The following TENM2 variants were observed in gnomAD, a reference collection of about 807,000 sequenced individuals.
TENM2 encodes teneurin transmembrane protein 2, also known as teneurin-2.
Under a neutral mutation model 245.2 loss-of-function variants are expected in TENM2, and 52 were observed. That is an observed-to-expected ratio of 0.21 (90% CI 0.17 to 0.27). The LOEUF (loss-of-function observed/expected upper bound fraction) is 0.27, where lower values mean the gene tolerates loss of function less well. Among genes scored for constraint, TENM2 ranks in the 10% least tolerant of loss-of-function variants. The pLI, the probability that TENM2 is intolerant of heterozygous loss-of-function variation, is 1.00. For synonymous variants in TENM2, 1,363 were observed against 1,438.9 expected, an observed-to-expected ratio of 0.95 and a Z score of 1.19; for missense variants, 3,046 against 3,666.8, an observed-to-expected ratio of 0.83 and a Z score of 4.37.
chr5:167,244,025 CCTT>C, the TENM2 span, among the ~76,000 whole-genome samples: 7 of 152,092 alleles, frequency 4.6e-5, no homozygotes, highest in South Asian at 2.1e-4. Context: ...CCTGGGAAAT[CCTT>C]CTTCTTCCTT....
At chr5:167,731,073 G>A (rs1339772045) in intron 2 of TENM2, among the ~76,000 whole-genome samples, 4 of 152,000 alleles carry the variant, frequency 2.6e-5, no homozygotes, top group African/African-American at 9.7e-5. Context: ...TAGTTTCCAT[G>A]AACAAGGCAA....
At position 167,444,254 on chromosome 5, in the gene TENM2, CAA is replaced by C. The variant is rs1765026932; in HGVS notation, c.502+68783_502+68784del. Among the ~76,000 whole-genome samples, 5 of 150,618 alleles carry C rather than the reference CAA, an allele frequency of 3.3e-5. No individual in the cohort carries two copies. The South Asian group carries it at 8.4e-4, about 25-fold the overall frequency. ...CTTCCAATATCCAGTAGATATGTCT[CAA>C]AGTCATACACATTTGCTTATGCACA... On this transcript the variant is annotated intron_variant, in intron 2 of 28. Coordinates refer to ENST00000518659, the Ensembl canonical transcript of TENM2.
Position 168,039,267 on chromosome 5 carries a change from G to A in TENM2, c.1187-8160G>A, listed in dbSNP as rs1787974251. Among the ~76,000 whole-genome samples, 4 of 152,114 alleles carry A rather than the reference G, an allele frequency of 2.6e-5. No individual in the cohort carries two copies. In the South Asian group the frequency reaches 8.3e-4, roughly 32 times the overall value. ...GCGTCTTCTTTCCTTTGTAGTCAGTGGTCTCACCGATCTGCCCCTCTTTAA... is the reference window on the plus strand; with the variant it reads ...GCGTCTTCTTTCCTTTGTAGTCAGTAGTCTCACCGATCTGCCCCTCTTTAA... On this transcript the variant is annotated intron_variant, in intron 5 of 28. Transcript: ENST00000518659.
intron 2 of TENM2, among the ~76,000 whole-genome samples, chr5:167,737,932 C>G (rs1347054063): frequency 6.6e-6 from 1 of 152,222 alleles, no homozygotes; most frequent in Non-Finnish European, 1.5e-5. Flanking sequence ...CTATAGGGCA[C>G]TGAGCTGATC....
intron 7 of TENM2, among the ~76,000 whole-genome samples, chr5:168,089,367 C>G (rs890127755): frequency 3.3e-5 from 5 of 152,154 alleles, no homozygotes; most frequent in Non-Finnish European, 7.3e-5. Context: ...CAAACTAATT[C>G]CTTAAAACAT....
chr5:167,459,135 C>A (rs566941526), intron 2 of TENM2, among the ~76,000 whole-genome samples: 1 of 152,292 alleles, frequency 6.6e-6, no homozygotes, highest in African/African-American at 2.4e-5. Context: ...ACCCATCGAA[C>A]AATAACTGCC....
chr5:167,556,228 G>A (rs770311463), intron 2 of TENM2, among the ~76,000 whole-genome samples: 4 of 151,988 alleles, frequency 2.6e-5, no homozygotes, highest in Non-Finnish European at 5.9e-5. Flanking sequence ...TTCTATTTCA[G>A]ACTGGAAGAA....
intron 2 of TENM2, among the ~76,000 whole-genome samples, chr5:167,596,522 G>A (rs925324558): frequency 1.3e-5 from 2 of 152,164 alleles, no homozygotes; most frequent in South Asian, 2.1e-4. Context: ...GGCCGGGCGC[G>A]GTGGCTCACG....
chr5:167,570,626 C>T (rs1318288317), intron 2 of TENM2, among the ~76,000 whole-genome samples: 1 of 152,126 alleles, frequency 6.6e-6, no homozygotes, highest in Non-Finnish European at 1.5e-5. Context: ...TGGTGCAGTC[C>T]TTGCCAGAAC....
chr5:168,039,945 C>G (rs1053985060), intron 5 of TENM2, among the ~76,000 whole-genome samples: 1 of 152,166 alleles, frequency 6.6e-6, no homozygotes, highest in Non-Finnish European at 1.5e-5. Flanking sequence ...CTGAAGCTGA[C>G]AGGAGCCCCA....
intron 1 of TENM2, among the ~76,000 whole-genome samples, chr5:167,334,163 C>T (rs1309021396): frequency 1.3e-5 from 2 of 151,986 alleles, no homozygotes; most frequent in South Asian, 2.1e-4. Flanking sequence ...CCAATTTTGA[C>T]AATGGGAAAA....
intron 2 of TENM2, among the ~76,000 whole-genome samples, chr5:167,456,294 A>G (rs1765917828): frequency 6.6e-6 from 1 of 152,130 alleles, no homozygotes; most frequent in Non-Finnish European, 1.5e-5. Flanking sequence ...AATATTTTAC[A>G]TTACTTAATT....
At chr5:167,668,783 C>T (rs1393635637) in intron 2 of TENM2, among the ~76,000 whole-genome samples, 4 of 152,006 alleles carry the variant, frequency 2.6e-5, no homozygotes, top group Non-Finnish European at 5.9e-5. Context: ...GGTGAAACCT[C>T]ATCTCTATAA....
intron 2 of TENM2, among the ~76,000 whole-genome samples, chr5:167,530,551 C>T (rs1218937921): frequency 2.6e-5 from 4 of 152,134 alleles, no homozygotes; most frequent in African/African-American, 4.8e-5. Flanking sequence ...GCAGAAAGCC[C>T]TGGTTTAAGT....
At chr5:167,522,338 T>C (rs919864289) in intron 2 of TENM2, among the ~76,000 whole-genome samples, 2 of 152,156 alleles carry the variant, frequency 1.3e-5, no homozygotes, top group African/African-American at 4.8e-5. Context: ...CAGTCAGCCT[T>C]ATTTCAATCA....
chr5:168,085,974 A>G (rs1792419524), intron 7 of TENM2, among the ~76,000 whole-genome samples: 2 of 152,228 alleles, frequency 1.3e-5, no homozygotes, highest in African/African-American at 2.4e-5. Flanking sequence ...AAATGTCAGC[A>G]TTTATTGCTT....
At chr5:167,315,585 A>C (rs1276760077) in intron 1 of TENM2, among the ~76,000 whole-genome samples, 1 of 152,218 alleles carries the variant, frequency 6.6e-6, no homozygotes. Context: ...GAAAGTGTTT[A>C]GAAACATGTT....
the TENM2 span, among the ~76,000 whole-genome samples, chr5:167,182,005 T>A: frequency 6.6e-6 from 1 of 152,202 alleles, no homozygotes; most frequent in African/African-American, 2.4e-5. Flanking sequence ...TTATTTGAGG[T>A]TTTATCCATA....
chr5:167,049,699 C>T, the TENM2 span, among the ~76,000 whole-genome samples: 1 of 152,000 alleles, frequency 6.6e-6, no homozygotes, highest in East Asian at 1.9e-4. Flanking sequence ...TGATAATTAC[C>T]CCTAATTTAG....
Sources: allele counts gnomAD v4.1 joint callset (sites outside exome capture counted in the v4.1 genomes callset), GRCh38; gene constraint gnomAD v4.1.1; transcripts MANE v1.5; gene names NCBI Gene and HGNC (gene_info 2026-07-23, HGNC 2026-07-21).